Variants in ERMP1 observed in about 807,000 individuals in gnomAD.
ERMP1 encodes the protein Felix-ina.
Under a neutral mutation model 92.0 loss-of-function variants are expected in ERMP1, and 86 were observed. The ratio of observed to expected loss-of-function variants is 0.93; its 90% CI spans 0.79 to 1.12. The LOEUF is 1.12. Among genes scored for constraint, ERMP1 ranks in the 50% most tolerant of loss-of-function variants. ERMP1 has a pLI of 0.00. For missense variants in ERMP1, 1,342 were observed against 1,116.3 expected, an observed-to-expected ratio of 1.20 and a Z score of -2.88; for synonymous variants, 530 against 412.8, an observed-to-expected ratio of 1.28 and a Z score of -3.44.
intron 4 of ERMP1, among the ~76,000 whole-genome samples, chr9:5,823,227 T>C (rs550852259): frequency 2.0e-5 from 3 of 152,134 alleles, no homozygotes; most frequent in Non-Finnish European, 4.4e-5. Context: ...CAAGGCTGCA[T>C]GATGGCACCA....
chr9:5,808,323 ACT>A (rs1167291605), intron 8 of ERMP1, among the ~76,000 whole-genome samples: 1 of 152,186 alleles, frequency 6.6e-6, no homozygotes, highest in African/African-American at 2.4e-5. Flanking sequence ...AGTTAGCCAC[ACT>A]CTGATTACAT....
At chr9:5,833,206 G>T, upstream of ERMP1, 1 of 574,244 alleles carries the variant, frequency 1.7e-6, no homozygotes, top group Non-Finnish European at 2.8e-6. Flanking sequence ...GCAGTTCTCG[G>T]GTGCACACAG....
intron 2 of ERMP1, among the ~76,000 whole-genome samples, chr9:5,828,036 G>A (rs1296930923): frequency 6.6e-6 from 1 of 152,162 alleles, no homozygotes; most frequent in Non-Finnish European, 1.5e-5. Context: ...AGGCACAGTG[G>A]TTCCCACCTG....
intron 5 of ERMP1, among the ~76,000 whole-genome samples, chr9:5,861,697 C>T (rs1459717917): frequency 6.6e-6 from 1 of 150,582 alleles, no homozygotes; most frequent in Non-Finnish European, 1.5e-5. Flanking sequence ...CTAGTGTTGA[C>T]CCCAGAGAAG....
At position 5,785,816 on chromosome 9, in the gene ERMP1, CT is replaced by C. The variant is rs1363252214; in HGVS notation, c.*1327del. ...GTGCCTTTTCTTTCAACTTTTTGTCCTTGTTAAAACTCAAAATTTGTCCAAC... is the reference window on the plus strand; with the variant it reads ...GTGCCTTTTCTTTCAACTTTTTGTCCTGTTAAAACTCAAAATTTGTCCAAC... On this transcript the variant is annotated 3_prime_UTR_variant, in exon 15 of 15. Transcript: ENST00000339450. 6.6e-6 allele frequency: 1 copy of C among 152,118 alleles called. No individual in the cohort carries two copies. The highest frequency in any genetic ancestry group is 1.5e-5 in the Non-Finnish European group (1 of 68,016). The allele number at this position is 152,118 out of a possible 1,614,324, so 9.4% of individuals were successfully genotyped here. A position where few individuals can be genotyped will look rare whatever the true frequency, so the allele number is the denominator to read the frequency against.
chr9:5,831,085 G>A, intron 1 of ERMP1, 57 bp from the exon 2 acceptor site: 3 of 1,451,550 alleles, frequency 2.1e-6, no homozygotes, highest in Non-Finnish European at 1.9e-6. Flanking sequence ...ACTTAGCGTG[G>A]GTAACTTTTC....
chr9:5,831,941 G>C (rs1829956887), intron 1 of ERMP1, among the ~76,000 whole-genome samples: 1 of 152,164 alleles, frequency 6.6e-6, no homozygotes, highest in Non-Finnish European at 1.5e-5. Context: ...TAATAAGCTT[G>C]CAACACTTTG....
At chr9:5,857,568 CTACTTA>C (rs1050535816) in intron 6 of ERMP1, among the ~76,000 whole-genome samples, 5 of 152,204 alleles carry the variant, frequency 3.3e-5, no homozygotes, top group African/African-American at 1.2e-4. Context: ...ACTCTTCTCC[CTACTTA>C]TAATCTATTG....
intron 4 of ERMP1, among the ~76,000 whole-genome samples, chr9:5,816,486 T>C (rs1829310143): frequency 6.6e-6 from 1 of 152,218 alleles, no homozygotes. Context: ...TTATCTTTTG[T>C]ATATATAAAT....
In ERMP1 at chr9:5,805,793, A is replaced by C; in HGVS notation, c.1549-8T>G. ...ATACTGGGCACTGGCATTCTGAAAG[A>C]AAGAAAAATATACAAGTAGTCTCAT... On this transcript the variant is annotated splice_region_variant and splice_polypyrimidine_tract_variant and intron_variant, in intron 8 of 14. Coordinates refer to ENST00000339450, the MANE Select transcript of ERMP1 (RefSeq NM_024896.3). The C allele has an allele frequency of 6.3e-7, 1 of 1,587,910 alleles. No homozygotes were observed. Among genetic ancestry groups the C allele is most frequent in the Non-Finnish European group, 8.5e-7 (1 of 1,170,044 alleles).
chr9:5,826,333 T>G (rs77050347), intron 2 of ERMP1, among the ~76,000 whole-genome samples: 2,058 of 152,262 alleles, frequency 0.014, 59 homozygotes, highest in African/African-American at 0.047. Flanking sequence ...TTGGCGTGGA[T>G]TTGAGAGCAA....
intron 3 of ERMP1, among the ~76,000 whole-genome samples, chr9:5,824,267 G>A (rs1346332212): frequency 2.0e-5 from 3 of 152,160 alleles, no homozygotes; most frequent in Non-Finnish European, 2.9e-5. Flanking sequence ...TAAGTACAAG[G>A]CTGTGCAAAA....
chr9:5,811,104 T>C lies in ERMP1; in HGVS notation c.1327+7A>G, dbSNP rs547084914. On this transcript the variant is annotated splice_region_variant and intron_variant, in intron 7 of 14. Coordinates refer to ENST00000339450, the MANE Select transcript of ERMP1 (RefSeq NM_024896.3). ...CAGTATTTGTAGTTTTAGAGGAAAA[T>C]ACTTACTCTTATGTTTGGGCTGCAA... The C allele has an allele frequency of 6.9e-6, 11 of 1,593,040 alleles. No homozygotes were observed. In the African/African-American group the frequency reaches 1.3e-4, roughly 19 times the overall value.
chr9:5,806,994 G>A (rs907215738), intron 8 of ERMP1, among the ~76,000 whole-genome samples: 3 of 152,120 alleles, frequency 2.0e-5, no homozygotes, highest in African/African-American at 2.4e-5. Flanking sequence ...TTAACACTGC[G>A]TTGATCAAGA....
Position 5,825,185 on chromosome 9 carries a change from C to T in ERMP1, c.675G>A (p.Met225Ile), listed in dbSNP as rs1829687688. ...ASDDAVSCSV[M>I]LEVLRVLSTS... Reference sequence around the variant, plus strand: ...TTGACAAGACGCGAAGGACTTCCAGCATCACTGAGCAGCTAACTGCATCAT... The same window carrying T: ...TTGACAAGACGCGAAGGACTTCCAGTATCACTGAGCAGCTAACTGCATCAT... The change falls in exon 3 of 15, where the codon ATG becomes ATA. Residue 225 changes from methionine to isoleucine, a missense_variant. Met to Ile is a conservative substitution (Grantham distance 10, BLOSUM62 1). Coordinates refer to ENST00000339450, the MANE Select transcript of ERMP1 (RefSeq NM_024896.3). 1 of 1,613,812 alleles carries T rather than the reference C, an allele frequency of 6.2e-7. No homozygotes were observed. Among genetic ancestry groups the T allele is most frequent in the African/African-American group, 1.3e-5 (1 of 74,920 alleles).
intron 5 of ERMP1, among the ~76,000 whole-genome samples, chr9:5,861,170 G>GGGGTGTGTGTGTGT (rs1554630170): frequency 9.8e-6 from 1 of 102,078 alleles, no homozygotes; most frequent in Non-Finnish European, 2.0e-5. Flanking sequence ...TGGCTTAGGG[G>GGGGTGTGTGTGTGT]GTGTGTGTGT....
rs1367146627 is a variant in ERMP1, at chr9:5,786,127, C to G, written c.*1017G>C. 6.7e-6 allele frequency: 1 copy of G among 149,690 alleles called. No homozygotes were observed. Among genetic ancestry groups the G allele is most frequent in the African/African-American group, 2.6e-5 (1 of 39,138 alleles). 9.3% of individuals were successfully genotyped at this position (149,690 alleles called of 1,614,324 possible). A position where few individuals can be genotyped will look rare whatever the true frequency, so the allele number is the denominator to read the frequency against. ...TAGTAAGTTACTGAGAAAAACTAATCTATTCAACTGGCTGGAAAACAAAAA... is the reference window on the plus strand; with the variant it reads ...TAGTAAGTTACTGAGAAAAACTAATGTATTCAACTGGCTGGAAAACAAAAA... On this transcript the variant is annotated 3_prime_UTR_variant, in exon 15 of 15. Coordinates refer to ENST00000339450, the MANE Select transcript of ERMP1 (RefSeq NM_024896.3).
chr9:5,837,625 G>C (rs1173897148), upstream of ERMP1, among the ~76,000 whole-genome samples: 3 of 152,088 alleles, frequency 2.0e-5, no homozygotes, highest in African/African-American at 7.2e-5. Flanking sequence ...TTTCAAAAAG[G>C]GGATAATATG....
chr9:5,832,065 C>G (rs1006670815), intron 1 of ERMP1, among the ~76,000 whole-genome samples: 2 of 151,526 alleles, frequency 1.3e-5, no homozygotes, highest in African/African-American at 4.9e-5. Context: ...AATCACCTTT[C>G]CTAGCATTCT....
Sources: gnomAD v4.1 joint callset for allele counts (sites outside exome capture counted in the v4.1 genomes callset) on GRCh38, gnomAD v4.1.1 for gene constraint, MANE v1.5 for transcripts, NCBI Gene and HGNC (gene_info 2026-07-23, HGNC 2026-07-21) for gene names.